IGF2BP2: variants seen among roughly 807,000 people sequenced by gnomAD.
IGF2BP2 encodes insulin like growth factor 2 mRNA binding protein 2, also known as insulin-like growth factor 2 mRNA-binding protein 2.
In IGF2BP2, 17 loss-of-function variants were observed where a neutral mutation model predicts 75.8. The observed-to-expected ratio is 0.22, with a 90% CI of 0.15 to 0.34. IGF2BP2 has a LOEUF of 0.34. IGF2BP2 is among the 10% of genes least tolerant of loss of function. The pLI, the probability that IGF2BP2 is intolerant of heterozygous loss-of-function variation, is 1.00. For missense variants in IGF2BP2, 516 were observed against 772.4 expected, an observed-to-expected ratio of 0.67 and a Z score of 3.93; for synonymous variants, 288 against 295.6, an observed-to-expected ratio of 0.97 and a Z score of 0.26.
At position 185,702,081 on chromosome 3, in the gene IGF2BP2, G is replaced by C. The variant is rs188836618; in HGVS notation, c.240-3734C>G. ...TTCCTCTGCACTTTTCGGTTGTTCTGGTAGCTCACTCTTCGCCATAATTAC... is the reference window on the plus strand; with the variant it reads ...TTCCTCTGCACTTTTCGGTTGTTCTCGTAGCTCACTCTTCGCCATAATTAC... On this transcript the variant is annotated intron_variant, in intron 2 of 15. Coordinates refer to ENST00000382199, the MANE Select transcript of IGF2BP2 (RefSeq NM_006548.6). 2.6e-5 allele frequency among the ~76,000 whole-genome samples: 4 copies of C among 152,208 alleles called. No individual in the cohort carries two copies. The East Asian group carries it at 7.7e-4, about 29-fold the overall frequency.
At chr3:185,716,186 CTTTTA>C (rs1482570234) in intron 2 of IGF2BP2, among the ~76,000 whole-genome samples, 3 of 151,492 alleles carry the variant, frequency 2.0e-5, no homozygotes, top group African/African-American at 7.3e-5. Context: ...AACACCAGAA[CTTTTA>C]TTTTTTTAGT....
intron 2 of IGF2BP2, among the ~76,000 whole-genome samples, chr3:185,713,074 A>G (rs188707509): frequency 2.8e-4 from 40 of 144,584 alleles, no homozygotes; most frequent in East Asian, 8.2e-4. Context: ...ACAGATATGT[A>G]TGTGTGTGTG....
chr3:185,736,371 G>A (rs1476328695), intron 2 of IGF2BP2, among the ~76,000 whole-genome samples: 1 of 151,956 alleles, frequency 6.6e-6, no homozygotes, highest in Non-Finnish European at 1.5e-5. Context: ...GGACATCTCT[G>A]TTGCCTAACT....
At chr3:185,803,471 G>T (rs144634132) in intron 2 of IGF2BP2, among the ~76,000 whole-genome samples, 3 of 152,284 alleles carry the variant, frequency 2.0e-5, no homozygotes, top group Non-Finnish European at 2.9e-5. Flanking sequence ...TTCTTTAATT[G>T]TAAGTATTCT....
At chr3:185,656,247 C>G (rs1422235078) in intron 12 of IGF2BP2, among the ~76,000 whole-genome samples, 3 of 152,244 alleles carry the variant, frequency 2.0e-5, no homozygotes, top group Non-Finnish European at 2.9e-5. Flanking sequence ...CGGGGTCTCA[C>G]CTGCAGCAGG....
intron 2 of IGF2BP2, among the ~76,000 whole-genome samples, chr3:185,795,958 A>G (rs1737317937): frequency 6.6e-6 from 1 of 152,240 alleles, no homozygotes; most frequent in Non-Finnish European, 1.5e-5. Context: ...TCAACACAAC[A>G]AACTATATGA....
At chr3:185,704,373 G>C (rs1301244289) in intron 2 of IGF2BP2, among the ~76,000 whole-genome samples, 1 of 152,180 alleles carries the variant, frequency 6.6e-6, no homozygotes, top group African/African-American at 2.4e-5. Context: ...GACATCCTGT[G>C]CTAAACTGAA....
chr3:185,670,055 T>C lies in IGF2BP2; in HGVS notation c.1200+2486A>G, dbSNP rs879894569. On this transcript the variant is annotated intron_variant, in intron 10 of 15. Transcript: ENST00000382199. ...GCCATCATGTCTCAGTCAGTCAGTG[T>C]ACTGGATTAGAAGCTACTCTAATAT... Among the ~76,000 whole-genome samples the C allele has an allele frequency of 3.9e-5, 6 of 152,352 alleles. No homozygotes were observed. The East Asian group carries it at 7.7e-4, about 20-fold the overall frequency.
At chr3:185,716,652 C>T (rs1202661574) in intron 2 of IGF2BP2, 1 of 520,096 alleles carries the variant, frequency 1.9e-6, no homozygotes, top group South Asian at 1.4e-5. Flanking sequence ...CCTCAGCTGT[C>T]TTGGGCTCCC....
intron 6 of IGF2BP2, among the ~76,000 whole-genome samples, chr3:185,687,562 G>A (rs1034789950): frequency 2.6e-5 from 4 of 152,194 alleles, no homozygotes; most frequent in Admixed American, 1.3e-4. Flanking sequence ...GCACAGTGCC[G>A]GTCTCTGAAC....
intron 7 of IGF2BP2, among the ~76,000 whole-genome samples, chr3:185,682,702 G>C (rs545232507): frequency 1.3e-5 from 2 of 152,094 alleles, no homozygotes; most frequent in Non-Finnish European, 2.9e-5. Context: ...ATCACCAATC[G>C]CTAATCATCA....
intron 2 of IGF2BP2, among the ~76,000 whole-genome samples, chr3:185,813,757 T>G (rs373721796): frequency 6.6e-6 from 1 of 152,108 alleles, no homozygotes; most frequent in African/African-American, 2.4e-5. Flanking sequence ...TTCCAACACA[T>G]TGAGCAAGCA....
chr3:185,651,962 A>G, intron 13 of IGF2BP2, 132 bp downstream of exon 13: 1 of 600,978 alleles, frequency 1.7e-6, no homozygotes, highest in South Asian at 2.7e-5. Flanking sequence ...TGACAGGGTG[A>G]GCCTGAGCTT....
chr3:185,805,542 C>T (rs557350093), intron 2 of IGF2BP2, among the ~76,000 whole-genome samples: 1 of 152,274 alleles, frequency 6.6e-6, no homozygotes, highest in Admixed American at 6.5e-5. Context: ...ATTTTCCCTG[C>T]TCCCTTTCCC....
intron 2 of IGF2BP2, among the ~76,000 whole-genome samples, chr3:185,755,169 G>A (rs888257864): frequency 6.6e-6 from 1 of 152,212 alleles, no homozygotes; most frequent in Non-Finnish European, 1.5e-5. Context: ...GAACGGTTTA[G>A]TGGGCCAGGC....
intron 2 of IGF2BP2, among the ~76,000 whole-genome samples, chr3:185,708,221 G>A (rs971604041): frequency 6.6e-6 from 1 of 152,140 alleles, no homozygotes; most frequent in South Asian, 2.1e-4. Flanking sequence ...TATATTTAAA[G>A]TTTTGCTCTT....
At chr3:185,824,036 G>A (rs1356815438) in intron 1 of IGF2BP2, among the ~76,000 whole-genome samples, 3 of 151,984 alleles carry the variant, frequency 2.0e-5, no homozygotes, top group African/African-American at 4.8e-5. Flanking sequence ...GCGGCGGAAA[G>A]CCCCCAGCCC....
chr3:185,812,176 T>G (rs1246409377), intron 2 of IGF2BP2, among the ~76,000 whole-genome samples: 1 of 152,116 alleles, frequency 6.6e-6, no homozygotes, highest in South Asian at 2.1e-4. Context: ...GAGCCCCACC[T>G]TACACAACAG....
rs149785098 is a variant in IGF2BP2 at position 185,709,500 on chromosome 3, C to G, written c.240-11153G>C. On this transcript the variant is annotated intron_variant, in intron 2 of 15. Coordinates refer to ENST00000382199, the MANE Select transcript of IGF2BP2 (RefSeq NM_006548.6). ...CTGTCTTTCGACTGTAAGAGGAACACGTGCTTACTAAAGACACTGGTCTTC... is the reference window on the plus strand; with the variant it reads ...CTGTCTTTCGACTGTAAGAGGAACAGGTGCTTACTAAAGACACTGGTCTTC... 7.2e-5 allele frequency among the ~76,000 whole-genome samples: 11 copies of G among 152,370 alleles called. No individual in the cohort carries two copies. The East Asian group carries it at 2.1e-3, about 29-fold the overall frequency.
Sources: allele counts gnomAD v4.1 joint callset (sites outside exome capture counted in the v4.1 genomes callset), GRCh38; gene constraint gnomAD v4.1.1; transcripts MANE v1.5; gene names NCBI Gene and HGNC (gene_info 2026-07-23, HGNC 2026-07-21).